The following NOL4L variants were observed in gnomAD, a reference collection of about 807,000 sequenced individuals.
NOL4L encodes nucleolar protein 4-like.
In NOL4L, 7 loss-of-function variants were observed where a neutral mutation model predicts 64.5. The ratio of observed to expected loss-of-function variants is 0.11; its 90% CI spans 0.06 to 0.20. The LOEUF is 0.20. Ranked by LOEUF, NOL4L falls within the 10% of genes least tolerant of loss-of-function variation. NOL4L has a pLI of 1.00. For synonymous variants in NOL4L, 413 were observed against 401.0 expected (o/e 1.03, Z -0.36); for missense variants, 680 against 967.1 (o/e 0.70, Z 3.94).
chr20:32,477,421 G>A (rs1324980367), intron 4 of NOL4L, among the ~76,000 whole-genome samples: 2 of 152,198 alleles, frequency 1.3e-5, no homozygotes, highest in Non-Finnish European at 2.9e-5. Flanking sequence ...CTGCTGCTGT[G>A]AACCACAATC....
intron 5 of NOL4L, among the ~76,000 whole-genome samples, chr20:32,472,385 G>C (rs1401050253): frequency 6.6e-6 from 1 of 152,178 alleles, no homozygotes; most frequent in African/African-American, 2.4e-5. Flanking sequence ...AGTGGGGTTG[G>C]GGGGCTTCTG....
At chr20:32,501,455 GGAACA>G (rs2016919186) in intron 4 of NOL4L, among the ~76,000 whole-genome samples, 1 of 152,124 alleles carries the variant, frequency 6.6e-6, no homozygotes, top group Admixed American at 6.6e-5. Flanking sequence ...ATGAAATCTT[GGAACA>G]GAAAAGGAAA....
At chr20:32,545,648 G>A (rs1056155461) in intron 1 of NOL4L, among the ~76,000 whole-genome samples, 1 of 152,098 alleles carries the variant, frequency 6.6e-6, no homozygotes, top group African/African-American at 2.4e-5. Context: ...ACACCCTGAA[G>A]GCATCCTTGA....
chr20:32,503,225 G>A, intron 4 of NOL4L, among the ~76,000 whole-genome samples: 1 of 152,212 alleles, frequency 6.6e-6, no homozygotes, highest in East Asian at 1.9e-4. Context: ...ACTGAGACAG[G>A]ATGAAGGTTT....
chr20:32,467,497 T>C (rs1418882835), intron 5 of NOL4L, among the ~76,000 whole-genome samples: 11 of 151,920 alleles, frequency 7.2e-5, no homozygotes, highest in Non-Finnish European at 1.2e-4. Flanking sequence ...CCGCTGAGGG[T>C]GGCTGTGAGG....
rs143292226 is a variant in NOL4L, at chr20:32,447,692, G to A, written c.1947C>T (p.Ser649=). ...PTAQLSPTEI[S]AVRQLIAGYR... Reference sequence around the variant, plus strand: ...AGCCCGCGATGAGCTGCCGCACGGCGCTGATCTCCGTGGGGCTGAGCTGAG... The same window carrying A: ...AGCCCGCGATGAGCTGCCGCACGGCACTGATCTCCGTGGGGCTGAGCTGAG... Residue 649 remains serine (S), a synonymous_variant, in exon 11 of 11, where the codon AGC becomes AGT. Coordinates refer to ENST00000621426, the MANE Select transcript of NOL4L (RefSeq NM_001256798.2). The A allele has an allele frequency of 4.7e-5, 75 of 1,612,330 alleles. No homozygotes were observed. The highest frequency in any genetic ancestry group is 1.0e-4 in the Admixed American group (6 of 59,984).
At chr20:32,488,778 C>CTTCCTTT (rs2016231730) in intron 4 of NOL4L, among the ~76,000 whole-genome samples, 25 of 53,216 alleles carry the variant, frequency 4.7e-4, no homozygotes, top group East Asian at 1.7e-3. Flanking sequence ...TTCCTTCCTT[C>CTTCCTTT]CTTCCTTCCT....
intron 10 of NOL4L, among the ~76,000 whole-genome samples, chr20:32,448,144 T>A (rs1413314729): frequency 3.3e-5 from 5 of 152,106 alleles, no homozygotes; most frequent in African/African-American, 1.2e-4. Flanking sequence ...AAATACTACT[T>A]CCATTGAGGA....
At chr20:32,534,486 A>G (rs2018447475) in intron 1 of NOL4L, among the ~76,000 whole-genome samples, 1 of 152,194 alleles carries the variant, frequency 6.6e-6, no homozygotes, top group Non-Finnish European at 1.5e-5. Flanking sequence ...TACCCTGCAT[A>G]TTAATTACTA....
chr20:32,538,545 G>A (rs1359463722), intron 1 of NOL4L, among the ~76,000 whole-genome samples: 1 of 141,848 alleles, frequency 7.0e-6, no homozygotes, highest in Non-Finnish European at 1.5e-5. Context: ...CTGCAGCTGA[G>A]AACCCAGCGT....
At chr20:32,559,304 C>G (rs918673663) in intron 1 of NOL4L, among the ~76,000 whole-genome samples, 6 of 152,308 alleles carry the variant, frequency 3.9e-5, no homozygotes, top group Admixed American at 3.9e-4. Flanking sequence ...TCCTTCTATC[C>G]CCACACCCCT....
intron 5 of NOL4L, among the ~76,000 whole-genome samples, chr20:32,468,900 C>CAAAAAA (rs555969764): frequency 1.0e-5 from 1 of 95,292 alleles, no homozygotes; most frequent in African/African-American, 3.7e-5. Context: ...GACTCCATCT[C>CAAAAAA]AAAAAAAAAA....
intron 4 of NOL4L, among the ~76,000 whole-genome samples, chr20:32,499,747 A>G (rs2016842718): frequency 6.6e-6 from 1 of 151,648 alleles, no homozygotes; most frequent in Non-Finnish European, 1.5e-5. Context: ...TCAAAAAAAA[A>G]AAAAAAAAAA....
At chr20:32,470,193 C>T (rs528453105) in intron 5 of NOL4L, among the ~76,000 whole-genome samples, 62 of 152,378 alleles carry the variant, frequency 4.1e-4, no homozygotes, top group African/African-American at 1.4e-3. Flanking sequence ...CCTGCCCCCA[C>T]GCATCCCTTC....
At chr20:32,528,030 G>T (rs2018199568) in intron 1 of NOL4L, 117 bp from the exon 2 acceptor site, 5 of 750,672 alleles carry the variant, frequency 6.7e-6, no homozygotes, top group East Asian at 3.8e-5. Flanking sequence ...GGGTCTTGGG[G>T]TGGGGAGGGG....
At chr20:32,510,336 G>A (rs1011549120) in intron 4 of NOL4L, 9 of 239,650 alleles carry the variant, frequency 3.8e-5, no homozygotes, top group South Asian at 2.1e-4. Context: ...ACGCAGCTCT[G>A]CAGGTTCAAG....
intron 4 of NOL4L, among the ~76,000 whole-genome samples, chr20:32,498,403 G>A (rs558430714): frequency 6.8e-6 from 1 of 147,730 alleles, no homozygotes; most frequent in Admixed American, 6.9e-5. Flanking sequence ...AGCTTTTCAC[G>A]CCTCTCTCTG....
At chr20:32,565,309 C>T (rs778476273) in intron 1 of NOL4L, among the ~76,000 whole-genome samples, 35 of 152,164 alleles carry the variant, frequency 2.3e-4, no homozygotes, top group Admixed American at 6.5e-5. Flanking sequence ...ACTCTGCCTG[C>T]CTGCGGCCTG....
At chr20:32,546,244 CT>C (rs1271145316) in intron 1 of NOL4L, among the ~76,000 whole-genome samples, 1 of 151,478 alleles carries the variant, frequency 6.6e-6, no homozygotes, top group South Asian at 2.1e-4. Context: ...GTGCGCCCAG[CT>C]TTTTTTTCCT....
Sources: gnomAD v4.1 joint callset for allele counts (sites outside exome capture counted in the v4.1 genomes callset) on GRCh38, gnomAD v4.1.1 for gene constraint, MANE v1.5 for transcripts, NCBI Gene and HGNC (gene_info 2026-07-23, HGNC 2026-07-21) for gene names.